Variants in ADIPOR2 observed in about 807,000 individuals in gnomAD.
ADIPOR2 encodes adiponectin receptor 2, also known as adiponectin receptor protein 2.
In ADIPOR2, 18 loss-of-function variants were observed where a neutral mutation model predicts 40.9. That is an observed-to-expected ratio of 0.44 (90% CI 0.30 to 0.65). The LOEUF is 0.65. Ranked by LOEUF, ADIPOR2 falls within the 30% of genes least tolerant of loss-of-function variation. The pLI is 0.09. For synonymous variants in ADIPOR2, 165 were observed against 166.4 expected, an observed-to-expected ratio of 0.99 and a Z score of 0.06; for missense variants, 283 against 479.2, an observed-to-expected ratio of 0.59 and a Z score of 3.82.
intron 1 of ADIPOR2, among the ~76,000 whole-genome samples, chr12:1,726,678 T>TA (rs398116020): frequency 6.6e-6 from 1 of 150,644 alleles, no homozygotes; most frequent in Non-Finnish European, 1.5e-5. Flanking sequence ...CTTTTTTTTT[T>TA]AAAGGATTTT....
chr12:1,744,979 T>A (rs1022960611), intron 1 of ADIPOR2, among the ~76,000 whole-genome samples: 2 of 152,160 alleles, frequency 1.3e-5, no homozygotes, highest in Non-Finnish European at 2.9e-5. Context: ...ATGGGTGCCC[T>A]TTAAATTTTT....
At chr12:1,777,185 C>T (rs934134361) in intron 3 of ADIPOR2, among the ~76,000 whole-genome samples, 1 of 142,998 alleles carries the variant, frequency 7.0e-6, no homozygotes, top group Non-Finnish European at 1.5e-5. Context: ...ATATTAACAC[C>T]ACAGGGATTT....
chr12:1,733,918 T>A (rs976752893), intron 1 of ADIPOR2, among the ~76,000 whole-genome samples: 2 of 152,160 alleles, frequency 1.3e-5, no homozygotes, highest in African/African-American at 4.8e-5. Flanking sequence ...TTCATCCATG[T>A]CCCTACAAAG....
At chr12:1,700,073 T>C (rs1423073297) in intron 1 of ADIPOR2, among the ~76,000 whole-genome samples, 1 of 152,246 alleles carries the variant, frequency 6.6e-6, no homozygotes, top group Admixed American at 6.5e-5. Context: ...AATGATATTT[T>C]CTTTATAACT....
At chr12:1,784,601 C>G (rs1277179070) in intron 7 of ADIPOR2, among the ~76,000 whole-genome samples, 1 of 151,916 alleles carries the variant, frequency 6.6e-6, no homozygotes, top group Non-Finnish European at 1.5e-5. Flanking sequence ...TTTTTTATAC[C>G]GAAATTTAGT....
In ADIPOR2 at chr12:1,710,798, G is replaced by T. The variant is rs887597007; in HGVS notation, c.-87+19607G>T. Among the ~76,000 whole-genome samples, 9 of 152,120 alleles carry T rather than the reference G, an allele frequency of 5.9e-5. No homozygotes were observed. In the East Asian group the frequency reaches 1.7e-3, roughly 29 times the overall value. On this transcript the variant is annotated intron_variant, in intron 1 of 7. Coordinates refer to ENST00000357103, the MANE Select transcript of ADIPOR2 (RefSeq NM_024551.3). ...GCCAAAGGTTCAGTGGGTCGGTCCA[G>T]GGGTCCTTGGTAGAAGTTGTTAGTT...
At chr12:1,725,652 T>G (rs538486681) in intron 1 of ADIPOR2, among the ~76,000 whole-genome samples, 1 of 152,334 alleles carries the variant, frequency 6.6e-6, no homozygotes, top group East Asian at 1.9e-4. Context: ...AATGTTTATC[T>G]TTGCCAGGCA....
intron 1 of ADIPOR2, among the ~76,000 whole-genome samples, chr12:1,747,056 C>G (rs1375265602): frequency 1.4e-5 from 2 of 146,516 alleles, no homozygotes; most frequent in African/African-American, 5.1e-5. Context: ...CCACTGCCCC[C>G]CCCCAAAAAA....
intron 7 of ADIPOR2, 63 bp from the exon 8 acceptor site, chr12:1,785,880 AT>A: frequency 6.3e-7 from 1 of 1,583,804 alleles, no homozygotes; most frequent in Non-Finnish European, 8.6e-7. Context: ...GATCCTAAGA[AT>A]CTTTAGCAGT....
At chr12:1,715,347 G>A (rs2094685383) in intron 1 of ADIPOR2, among the ~76,000 whole-genome samples, 2 of 152,174 alleles carry the variant, frequency 1.3e-5, no homozygotes, top group South Asian at 4.1e-4. Flanking sequence ...ATTGGGGCCA[G>A]GCCATAGTGC....
intron 1 of ADIPOR2, among the ~76,000 whole-genome samples, chr12:1,745,924 G>A (rs2094754011): frequency 6.6e-6 from 1 of 151,088 alleles, no homozygotes; most frequent in Admixed American, 6.6e-5. Context: ...TATGTTACAC[G>A]AACTTTTTGA....
intron 1 of ADIPOR2, among the ~76,000 whole-genome samples, chr12:1,693,842 G>C (rs536871132): frequency 6.6e-6 from 1 of 152,090 alleles, no homozygotes; most frequent in African/African-American, 2.4e-5. Flanking sequence ...CCTGTAATCT[G>C]CTTTTTTAAG....
intron 2 of ADIPOR2, among the ~76,000 whole-genome samples, chr12:1,763,057 G>A (rs1592620672): frequency 6.6e-6 from 1 of 152,334 alleles, no homozygotes; most frequent in Non-Finnish European, 1.5e-5. Context: ...ATACCTGTGT[G>A]TACAGTTAGA....
intron 1 of ADIPOR2, among the ~76,000 whole-genome samples, chr12:1,739,551 TCA>T (rs2094738190): frequency 6.6e-6 from 1 of 152,256 alleles, no homozygotes; most frequent in African/African-American, 2.4e-5. Context: ...AATGGAAATC[TCA>T]GTGTTAATAA....
At chr12:1,752,507 T>C (rs2094771665) in intron 1 of ADIPOR2, among the ~76,000 whole-genome samples, 2 of 152,114 alleles carry the variant, frequency 1.3e-5, no homozygotes, top group African/African-American at 4.8e-5. Flanking sequence ...ACCAACTACA[T>C]TTAGGGTTCA....
chr12:1,742,931 C>T (rs1004814087), intron 1 of ADIPOR2, among the ~76,000 whole-genome samples: 2 of 152,092 alleles, frequency 1.3e-5, no homozygotes, highest in Non-Finnish European at 2.9e-5. Context: ...ACTTCAGGAT[C>T]AAATATTTTT....
chr12:1,725,063 C>T (rs957190971), intron 1 of ADIPOR2, among the ~76,000 whole-genome samples: 3 of 151,844 alleles, frequency 2.0e-5, no homozygotes, highest in Non-Finnish European at 4.4e-5. Context: ...AAACTGTAAA[C>T]AGATTTTTTA....
At chr12:1,711,420 GTTA>G (rs1184916157) in intron 1 of ADIPOR2, among the ~76,000 whole-genome samples, 1 of 152,072 alleles carries the variant, frequency 6.6e-6, no homozygotes, top group Non-Finnish European at 1.5e-5. Flanking sequence ...CTGGGGCAAT[GTTA>G]ATGTTGGGAC....
intron 1 of ADIPOR2, among the ~76,000 whole-genome samples, chr12:1,740,250 A>G (rs1469236452): frequency 6.6e-6 from 1 of 152,222 alleles, no homozygotes; most frequent in Admixed American, 6.5e-5. Context: ...AGCCAAGTGT[A>G]TTGATTTGCT....
Sources: gnomAD v4.1 joint callset for allele counts (sites outside exome capture counted in the v4.1 genomes callset) on GRCh38, gnomAD v4.1.1 for gene constraint, MANE v1.5 for transcripts, NCBI Gene and HGNC (gene_info 2026-07-23, HGNC 2026-07-21) for gene names.